The following HVCN1 variants were observed in gnomAD, a reference collection of about 807,000 sequenced individuals.
The protein encoded by HVCN1 is hydrogen voltage gated channel 1, also known as voltage-gated hydrogen channel 1.
HVCN1 carries 14 observed loss-of-function variants against 29.2 expected under a neutral mutation model. The observed-to-expected ratio is 0.48, with a 90% CI of 0.32 to 0.75. HVCN1 has a LOEUF of 0.75. Ranked by LOEUF, HVCN1 falls within the 30% of genes least tolerant of loss-of-function variation. HVCN1 has a pLI of 0.04. For synonymous variants in HVCN1, 131 were observed against 133.2 expected (o/e 0.98, Z 0.11); for missense variants, 263 against 341.8 (o/e 0.77, Z 1.82).
At chr12:110,663,414 CA>C (rs1355912930) in intron 3 of HVCN1, among the ~76,000 whole-genome samples, 1 of 151,426 alleles carries the variant, frequency 6.6e-6, no homozygotes, top group Non-Finnish European at 1.5e-5. Flanking sequence ...CCAGCCTGCG[CA>C]ATAAGGCAAG....
intron 3 of HVCN1, among the ~76,000 whole-genome samples, chr12:110,668,328 C>T (rs778107252): frequency 1.3e-5 from 2 of 152,022 alleles, no homozygotes; most frequent in Non-Finnish European, 2.9e-5. Context: ...ATGGCGAAAC[C>T]CCATCTCTAT....
chr12:110,698,192 G>T (rs1438730894), intron 2 of HVCN1, among the ~76,000 whole-genome samples: 2 of 151,982 alleles, frequency 1.3e-5, no homozygotes, highest in African/African-American at 4.8e-5. Flanking sequence ...TTGAGTCAGG[G>T]TCTCACTATG....
At chr12:110,683,887 G>A (rs2069080556) in intron 2 of HVCN1, among the ~76,000 whole-genome samples, 1 of 146,578 alleles carries the variant, frequency 6.8e-6, no homozygotes, top group African/African-American at 2.6e-5. Flanking sequence ...CTCCAGCCTG[G>A]GCAACAGAAC....
chr12:110,683,019 T>A (rs1421281097), intron 3 of HVCN1: 11 of 630,378 alleles, frequency 1.7e-5, no homozygotes, highest in Middle Eastern at 3.2e-4. Flanking sequence ...AGGGCTGGGA[T>A]TCAAATGGTC....
At chr12:110,678,050 G>C (rs1172339800) in intron 3 of HVCN1, among the ~76,000 whole-genome samples, 1 of 152,342 alleles carries the variant, frequency 6.6e-6, no homozygotes, top group East Asian at 1.9e-4. Context: ...TGAGCTCTGT[G>C]CAAAGACCTT....
At chr12:110,656,305 C>T (rs529086789) in intron 4 of HVCN1, among the ~76,000 whole-genome samples, 3 of 152,280 alleles carry the variant, frequency 2.0e-5, no homozygotes, top group South Asian at 4.1e-4. Flanking sequence ...GGAAACACAG[C>T]CTCCTGGGCT....
At position 110,679,625 on chromosome 12, in the gene HVCN1, G is replaced by A. The variant is rs902046719; in HGVS notation, c.21+3600C>T. Among the ~76,000 whole-genome samples, 19 of 152,068 alleles carry A rather than the reference G, an allele frequency of 1.2e-4. No homozygotes were observed. In the Middle Eastern group the frequency reaches 0.017, roughly 136 times the overall value. On this transcript the variant is annotated intron_variant, in intron 3 of 7. Coordinates refer to ENST00000242607, the MANE Select transcript of HVCN1 (RefSeq NM_032369.4). ...TCCCAGCACTTTGGGAGGCCGAGGC[G>A]GGTGGATCATGAGGTCAGGAGATCG...
rs927014907 is a variant in HVCN1, at chr12:110,676,513, T to A, written c.21+6712A>T. Among the ~76,000 whole-genome samples, 2 of 152,212 alleles carry A rather than the reference T, an allele frequency of 1.3e-5. No homozygotes were observed. Among genetic ancestry groups the A allele is most frequent in the African/African-American group, 4.8e-5 (2 of 41,450 alleles). ...GACTGCTTGTGGAAACAGCATGGTT[T>A]ATGCTGAACTCCTACTTTCATTTGG... On this transcript the variant is annotated intron_variant, in intron 3 of 7. Transcript: ENST00000242607. The surrounding 1 kb of genome is among the most constrained non-coding windows in gnomAD (Gnocchi z 4.1).
chr12:110,679,987 C>A (rs916840507), intron 3 of HVCN1, among the ~76,000 whole-genome samples: 4 of 152,168 alleles, frequency 2.6e-5, no homozygotes, highest in African/African-American at 9.6e-5. Flanking sequence ...GGCTACAAAA[C>A]CCCACCAGTT....
At chr12:110,680,303 G>C (rs1448436242) in intron 3 of HVCN1, among the ~76,000 whole-genome samples, 1 of 151,984 alleles carries the variant, frequency 6.6e-6, no homozygotes, top group Non-Finnish European at 1.5e-5. Flanking sequence ...GTGTGTCCCT[G>C]GTTGTGCATT....
intron 2 of HVCN1, among the ~76,000 whole-genome samples, chr12:110,686,402 G>T (rs541746244): frequency 6.6e-6 from 1 of 152,264 alleles, no homozygotes; most frequent in South Asian, 2.1e-4. Flanking sequence ...GGGACTCTTA[G>T]ACTTTCTCGC....
At chr12:110,691,083 G>T (rs1291645833), upstream of HVCN1, among the ~76,000 whole-genome samples, 1 of 149,582 alleles carries the variant, frequency 6.7e-6, no homozygotes, top group Non-Finnish European at 1.5e-5. Flanking sequence ...TTCTTTTTGA[G>T]GTGGAGTCGC....
intron 3 of HVCN1, among the ~76,000 whole-genome samples, chr12:110,675,333 C>T (rs1384461421): frequency 6.6e-6 from 1 of 152,176 alleles, no homozygotes; most frequent in African/African-American, 2.4e-5. Flanking sequence ...GTGGCGCATG[C>T]CTGTAGTCCC....
rs2067671941 is a variant in HVCN1 at position 110,649,388 on chromosome 12, T to A, written c.*22A>T. 2 of 1,595,980 alleles carry A rather than the reference T, an allele frequency of 1.3e-6. No homozygotes were observed. Among genetic ancestry groups the A allele is most frequent in the Non-Finnish European group, 8.6e-7 (1 of 1,166,004 alleles). On this transcript the variant is annotated 3_prime_UTR_variant, in exon 8 of 8. Coordinates refer to ENST00000242607, the MANE Select transcript of HVCN1 (RefSeq NM_032369.4). ...CAGGCCCATGAGACAGTGTCTTCTTTTTGAGGGGAGCTGGTCCGGGTCTAG... is the reference window on the plus strand; with the variant it reads ...CAGGCCCATGAGACAGTGTCTTCTTATTGAGGGGAGCTGGTCCGGGTCTAG...
At chr12:110,673,654 C>G (rs1314074251) in intron 3 of HVCN1, among the ~76,000 whole-genome samples, 1 of 152,194 alleles carries the variant, frequency 6.6e-6, no homozygotes, top group African/African-American at 2.4e-5. Flanking sequence ...TCCAGCTGCT[C>G]CAGCTGTGGC....
At chr12:110,700,590 T>C (rs944019458) in intron 2 of HVCN1, among the ~76,000 whole-genome samples, 1 of 151,966 alleles carries the variant, frequency 6.6e-6, no homozygotes, top group Admixed American at 6.6e-5. Context: ...AATATTTCGA[T>C]CTCTCTCTCT....
At chr12:110,656,105 G>A (rs1450875615) in intron 4 of HVCN1, among the ~76,000 whole-genome samples, 1 of 152,208 alleles carries the variant, frequency 6.6e-6, no homozygotes, top group African/African-American at 2.4e-5. Context: ...GGCAGTCCGA[G>A]TCCTGGAAGG....
chr12:110,685,469 C>T (rs2069143498), intron 2 of HVCN1, among the ~76,000 whole-genome samples: 1 of 152,104 alleles, frequency 6.6e-6, no homozygotes, highest in Non-Finnish European at 1.5e-5. Context: ...AAGCTTGTGG[C>T]CATTTGTTAC....
chr12:110,662,833 C>T (rs1174522553), intron 3 of HVCN1, among the ~76,000 whole-genome samples: 1 of 152,134 alleles, frequency 6.6e-6, no homozygotes, highest in Non-Finnish European at 1.5e-5. Flanking sequence ...ATACTACAGA[C>T]TGGGATAAAT....
Sources: gnomAD v4.1 joint callset for allele counts (sites outside exome capture counted in the v4.1 genomes callset) on GRCh38, gnomAD v4.1.1 for gene constraint, Gnocchi (gnomAD v3.1) non-coding constraint, MANE v1.5 for transcripts, NCBI Gene and HGNC (gene_info 2026-07-23, HGNC 2026-07-21) for gene names.